Variants in FBXL7 observed in about 807,000 individuals in gnomAD.
The protein encoded by FBXL7 is F-box and leucine rich repeat protein 7, also known as F-box/LRR-repeat protein 7.
Under a neutral mutation model 38.3 loss-of-function variants are expected in FBXL7, and 12 were observed. That is an observed-to-expected ratio of 0.31 (90% CI 0.20 to 0.51). The LOEUF is 0.51. Ranked by LOEUF, FBXL7 falls within the 20% of genes least tolerant of loss-of-function variation. The pLI is 0.98. For synonymous variants in FBXL7, 297 were observed against 300.9 expected, an observed-to-expected ratio of 0.99 and a Z score of 0.13; for missense variants, 567 against 676.4, an observed-to-expected ratio of 0.84 and a Z score of 1.79.
chr5:15,853,715 A>G (rs1229699145), intron 2 of FBXL7, among the ~76,000 whole-genome samples: 1 of 152,168 alleles, frequency 6.6e-6, no homozygotes, highest in East Asian at 1.9e-4. Context: ...TTTAAGTATT[A>G]ATACAAGGCA....
At chr5:15,934,410 G>A (rs1025582925) in intron 3 of FBXL7, among the ~76,000 whole-genome samples, 10 of 151,962 alleles carry the variant, frequency 6.6e-5, no homozygotes, top group East Asian at 5.8e-4. Flanking sequence ...TATACTGTAC[G>A]TGTTTTTATA....
chr5:15,629,772 T>C (rs568544046), intron 2 of FBXL7, among the ~76,000 whole-genome samples: 1 of 152,308 alleles, frequency 6.6e-6, no homozygotes, highest in African/African-American at 2.4e-5. Context: ...TTGATAAACG[T>C]TTATTGAATG....
chr5:15,717,523 A>G (rs1443933444), intron 2 of FBXL7, among the ~76,000 whole-genome samples: 1 of 152,252 alleles, frequency 6.6e-6, no homozygotes, highest in Non-Finnish European at 1.5e-5. Context: ...TCTGATGCCC[A>G]TAGGTATTGA....
intron 2 of FBXL7, among the ~76,000 whole-genome samples, chr5:15,782,370 A>G (rs1226017408): frequency 6.6e-6 from 1 of 152,152 alleles, no homozygotes; most frequent in East Asian, 1.9e-4. Flanking sequence ...GCCAAATGGT[A>G]TTTCTAGTTC....
At chr5:15,858,382 ATT>A (rs1318702743) in intron 2 of FBXL7, among the ~76,000 whole-genome samples, 2 of 152,094 alleles carry the variant, frequency 1.3e-5, no homozygotes, top group Non-Finnish European at 2.9e-5. Context: ...CTAATATTTT[ATT>A]CAGGAAAGAG....
intron 2 of FBXL7, among the ~76,000 whole-genome samples, chr5:15,835,885 T>C (rs1210467959): frequency 3.9e-5 from 6 of 152,200 alleles, no homozygotes; most frequent in Non-Finnish European, 5.9e-5. Flanking sequence ...ACTATATGTC[T>C]TGTGGCATCC....
chr5:15,714,607 C>A (rs543031449), intron 2 of FBXL7, among the ~76,000 whole-genome samples: 1 of 152,142 alleles, frequency 6.6e-6, no homozygotes, highest in Non-Finnish European at 1.5e-5. Flanking sequence ...ATAATCCCAG[C>A]CCTTTAGGAG....
chr5:15,805,748 G>C (rs995713649), intron 2 of FBXL7, among the ~76,000 whole-genome samples: 4 of 152,102 alleles, frequency 2.6e-5, no homozygotes, highest in African/African-American at 9.7e-5. Flanking sequence ...ATTTTAAAAA[G>C]AAAGCTAAGT....
intron 2 of FBXL7, among the ~76,000 whole-genome samples, chr5:15,760,667 C>A (rs1165468946): frequency 6.6e-6 from 1 of 152,046 alleles, no homozygotes; most frequent in Non-Finnish European, 1.5e-5. Flanking sequence ...TACAAAGATG[C>A]CATCCCCTGG....
At chr5:15,796,219 T>C (rs1040572611) in intron 2 of FBXL7, among the ~76,000 whole-genome samples, 4 of 152,162 alleles carry the variant, frequency 2.6e-5, no homozygotes, top group Admixed American at 2.6e-4. Context: ...TTCCAATAAA[T>C]AGCCAACAGG....
chr5:15,892,048 C>T (rs1004723080), intron 2 of FBXL7, among the ~76,000 whole-genome samples: 1 of 152,242 alleles, frequency 6.6e-6, no homozygotes, highest in Non-Finnish European at 1.5e-5. Flanking sequence ...CCTGCCAGTG[C>T]TCCTGGGAGC....
intron 1 of FBXL7, among the ~76,000 whole-genome samples, chr5:15,613,222 A>AT (rs751259948): frequency 1.1e-4 from 17 of 152,266 alleles, no homozygotes; most frequent in Admixed American, 2.6e-4. Flanking sequence ...GCTAGGAATC[A>AT]TTTTTCCAGA....
intron 2 of FBXL7, among the ~76,000 whole-genome samples, chr5:15,680,729 G>C (rs1367815918): frequency 6.6e-6 from 1 of 152,138 alleles, no homozygotes; most frequent in Non-Finnish European, 1.5e-5. Flanking sequence ...GTGAATTTCT[G>C]AAAAAAGTTT....
intron 2 of FBXL7, among the ~76,000 whole-genome samples, chr5:15,822,079 G>A (rs1231061027): frequency 3.3e-5 from 5 of 151,816 alleles, no homozygotes; most frequent in Non-Finnish European, 5.9e-5. Context: ...GAGACCCAGT[G>A]TGGTGGCTCA....
intron 2 of FBXL7, among the ~76,000 whole-genome samples, chr5:15,621,757 C>T (rs997003498): frequency 6.6e-6 from 1 of 152,174 alleles, no homozygotes; most frequent in Non-Finnish European, 1.5e-5. Flanking sequence ...AAGTAGGACG[C>T]ATATTCAAAT....
At chr5:15,795,906 T>C (rs950182532) in intron 2 of FBXL7, among the ~76,000 whole-genome samples, 4 of 152,212 alleles carry the variant, frequency 2.6e-5, no homozygotes, top group South Asian at 4.1e-4. Context: ...GGGAGCTACA[T>C]CTTAAAACTG....
chr5:15,731,713 A>G (rs1735589324), intron 2 of FBXL7, among the ~76,000 whole-genome samples: 1 of 152,194 alleles, frequency 6.6e-6, no homozygotes, highest in East Asian at 1.9e-4. Flanking sequence ...GTCACATAAT[A>G]CATGGATTAC....
rs151337907 is a variant in FBXL7 at position 15,794,537 on chromosome 5, G to A, written c.128-133353G>A. On this transcript the variant is annotated intron_variant, in intron 2 of 3. Transcript: ENST00000504595. Reference sequence around the variant, plus strand: ...AATAGTATCTCCCTTGACTTAAGATGAGTAAATAAAACAGGAAGACGTGTT... The same window carrying A: ...AATAGTATCTCCCTTGACTTAAGATAAGTAAATAAAACAGGAAGACGTGTT... 4.3e-3 allele frequency among the ~76,000 whole-genome samples: 655 copies of A among 152,304 alleles called. 6 individuals are homozygous for A. Among genetic ancestry groups the A allele is most frequent in the South Asian group, 0.023 (113 of 4,834 alleles).
At chr5:15,866,806 C>T (rs1739735500) in intron 2 of FBXL7, among the ~76,000 whole-genome samples, 1 of 151,974 alleles carries the variant, frequency 6.6e-6, no homozygotes, top group African/African-American at 2.4e-5. Flanking sequence ...ATGATGGCTT[C>T]CAGCTTCATC....
Sources: gnomAD v4.1 joint callset for allele counts (sites outside exome capture counted in the v4.1 genomes callset) on GRCh38, gnomAD v4.1.1 for gene constraint, MANE v1.5 for transcripts, NCBI Gene and HGNC (gene_info 2026-07-23, HGNC 2026-07-21) for gene names.